The following TNS1 variants were observed in gnomAD, a reference collection of about 807,000 sequenced individuals.
TNS1 encodes tensin-1.
In TNS1, 62 loss-of-function variants were observed where a neutral mutation model predicts 168.6. The observed-to-expected ratio is 0.37, with a 90% confidence interval of 0.30 to 0.45. The LOEUF (loss-of-function observed/expected upper bound fraction) is 0.45, where lower values mean the gene tolerates loss of function less well. Ranked by LOEUF, TNS1 falls within the 20% of genes least tolerant of loss-of-function variation. TNS1 has a pLI of 1.00. For missense variants in TNS1, 2,240 were observed against 2,339.4 expected, an observed-to-expected ratio of 0.96 and a Z score of 0.88; for synonymous variants, 934 against 933.2, an observed-to-expected ratio of 1.00 and a Z score of -0.02.
At chr2:217,936,364 C>CT (rs1032055344) in intron 3 of TNS1, among the ~76,000 whole-genome samples, 5 of 152,150 alleles carry the variant, frequency 3.3e-5, no homozygotes, top group Admixed American at 1.3e-4. Flanking sequence ...CGTGTGAAGA[C>CT]TTGCCAAGGA....
chr2:218,012,276 C>A (rs1958713353), upstream of TNS1, among the ~76,000 whole-genome samples: 1 of 152,154 alleles, frequency 6.6e-6, no homozygotes, highest in East Asian at 1.9e-4. Context: ...GTTATTCAGA[C>A]AATATTGGCT....
intron 4 of TNS1, among the ~76,000 whole-genome samples, chr2:217,912,071 C>T (rs533953649): frequency 2.0e-5 from 3 of 152,254 alleles, no homozygotes; most frequent in Non-Finnish European, 4.4e-5. Context: ...TATGCCCTCT[C>T]CACACATGCC....
chr2:217,997,557 A>C (rs1958493105), intron 1 of TNS1, among the ~76,000 whole-genome samples: 1 of 152,124 alleles, frequency 6.6e-6, no homozygotes, highest in South Asian at 2.1e-4. Context: ...TCTGGGGAGG[A>C]ATATGATTAC....
chr2:217,860,445 T>C (rs1948675203), intron 18 of TNS1, among the ~76,000 whole-genome samples: 1 of 152,110 alleles, frequency 6.6e-6, no homozygotes, highest in Non-Finnish European at 1.5e-5. Context: ...AGGCTCCACC[T>C]GGGGAAGACC....
At chr2:217,932,803 T>C (rs73078386) in intron 3 of TNS1, among the ~76,000 whole-genome samples, 3,338 of 152,294 alleles carry the variant, frequency 0.022, 129 homozygotes, top group African/African-American at 0.074. Flanking sequence ...AATTCTTCCA[T>C]GCATAAGCTT....
chr2:217,987,226 A>G (rs1559401776), intron 2 of TNS1, among the ~76,000 whole-genome samples: 1 of 152,144 alleles, frequency 6.6e-6, no homozygotes, highest in Non-Finnish European at 1.5e-5. Flanking sequence ...CATCCCTAGC[A>G]TGAGGACCCA....
rs184841280 is a variant in TNS1 at position 218,022,254 on chromosome 2, G to A, written c.156+11566C>T. The stretch of plus-strand genomic sequence containing the variant: ...CTCAGAGAGAGGTGGAGGTAACGAT[G>A]GTGACAGCCCCTACTCCTGGGCAGG... On this transcript the variant is annotated intron_variant, in intron 1 of 1. Coordinates refer to the TNS1 transcript ENST00000649572. 8.5e-5 allele frequency among the ~76,000 whole-genome samples: 13 copies of A among 152,212 alleles called. No homozygotes were observed. The East Asian group carries it at 2.5e-3, about 30-fold the overall frequency.
At chr2:218,010,921 C>G (rs1468744199), upstream of TNS1, among the ~76,000 whole-genome samples, 5 of 152,170 alleles carry the variant, frequency 3.3e-5, no homozygotes, top group African/African-American at 7.2e-5. Flanking sequence ...GCTGTCCAGT[C>G]CCACCTCCAA....
At chr2:217,833,258 T>C (rs1440890641) in intron 21 of TNS1, among the ~76,000 whole-genome samples, 1 of 152,208 alleles carries the variant, frequency 6.6e-6, no homozygotes, top group Admixed American at 6.5e-5. Flanking sequence ...TCTTGGTTCC[T>C]CCCTTGTTCA....
chr2:217,879,184 TTAA>T (rs1950464791), intron 18 of TNS1: 1 of 280,354 alleles, frequency 3.6e-6, no homozygotes, highest in African/African-American at 2.3e-5. Context: ...CTCCTCACCG[TTAA>T]TTATTTTACC....
intron 21 of TNS1, among the ~76,000 whole-genome samples, chr2:217,832,331 T>C (rs1215456595): frequency 6.6e-6 from 1 of 152,176 alleles, no homozygotes; most frequent in Non-Finnish European, 1.5e-5. Flanking sequence ...AAAGGGCTGC[T>C]GGCTTTTTCC....
intron 6 of TNS1, among the ~76,000 whole-genome samples, chr2:217,900,945 C>T (rs1220638159): frequency 1.3e-5 from 2 of 152,192 alleles, no homozygotes; most frequent in Non-Finnish European, 2.9e-5. Context: ...GCCACCATCA[C>T]CCCACACTTC....
chr2:217,821,710 TC>T (rs1458241877), intron 23 of TNS1, 29 bp downstream of exon 23: 1 of 1,406,830 alleles, frequency 7.1e-7, no homozygotes, highest in East Asian at 2.8e-5. Flanking sequence ...CGGATTCCCA[TC>T]CCCCACCCAC....
chr2:217,854,687 G>C (rs772925501), intron 18 of TNS1, among the ~76,000 whole-genome samples: 1 of 152,192 alleles, frequency 6.6e-6, no homozygotes, highest in Non-Finnish European at 1.5e-5. Context: ...TTGGCCAAGA[G>C]CCTGCCCAGA....
chr2:217,802,597 CCCCA>C lies in TNS1; in HGVS notation c.*1858_*1861del, dbSNP rs1338281784. ...ATGTGCAACCCCTCCCAATGCTGAG[CCCCA>C]CACAGTCTAGGGAAGGCCAAGGCCA... On this transcript the variant is annotated 3_prime_UTR_variant, in exon 33 of 33. Transcript: ENST00000682258. 2 of 152,490 alleles carry C rather than the reference CCCCA, an allele frequency of 1.3e-5. No homozygotes were observed. Among genetic ancestry groups the C allele is most frequent in the Admixed American group, 6.5e-5 (1 of 15,294 alleles). 9.4% of individuals were successfully genotyped at this position (152,490 alleles called of 1,614,324 possible). A position where few individuals can be genotyped will look rare whatever the true frequency, so the allele number is the denominator to read the frequency against.
At chr2:217,826,383 A>C (rs1559177767) in intron 22 of TNS1, among the ~76,000 whole-genome samples, 1 of 151,054 alleles carries the variant, frequency 6.6e-6, no homozygotes, top group Non-Finnish European at 1.5e-5. Flanking sequence ...TCTCTCTCCC[A>C]CCCCAGGACA....
chr2:217,831,858 T>C (rs1944472057), intron 21 of TNS1, among the ~76,000 whole-genome samples: 1 of 152,050 alleles, frequency 6.6e-6, no homozygotes, highest in Non-Finnish European at 1.5e-5. Flanking sequence ...TACTTTGCAA[T>C]GGCTTATACC....
At chr2:217,920,285 G>T in intron 3 of TNS1, 49 bp from the exon 4 acceptor site, 1 of 702,850 alleles carries the variant, frequency 1.4e-6, no homozygotes, top group Admixed American at 2.0e-5. Context: ...TGTCTCTAGA[G>T]ACAGCCAGCA....
At chr2:217,832,710 G>A (rs920791356) in intron 21 of TNS1, among the ~76,000 whole-genome samples, 7 of 152,144 alleles carry the variant, frequency 4.6e-5, no homozygotes, top group South Asian at 2.1e-4. Context: ...TACATAACTC[G>A]TTTGTGCAGG....
Sources: allele counts gnomAD v4.1 joint callset (sites outside exome capture counted in the v4.1 genomes callset), GRCh38; gene constraint gnomAD v4.1.1; transcripts MANE v1.5; gene names NCBI Gene and HGNC (gene_info 2026-07-23, HGNC 2026-07-21).